The following RABGAP1L variants were observed in gnomAD, a reference collection of about 807,000 sequenced individuals.
RABGAP1L encodes the protein rab GTPase-activating protein 1-like.
RABGAP1L carries 63 observed loss-of-function variants against 137.7 expected under a neutral mutation model. The observed-to-expected ratio is 0.46, with a 90% CI of 0.37 to 0.56. RABGAP1L has a LOEUF of 0.56. Ranked by LOEUF, RABGAP1L falls within the 20% of genes least tolerant of loss-of-function variation. The pLI is 0.00. For synonymous variants in RABGAP1L, 431 were observed against 433.7 expected (o/e 0.99, Z 0.08); for missense variants, 1,095 against 1,244.0 (o/e 0.88, Z 1.80).
intron 13 of RABGAP1L, among the ~76,000 whole-genome samples, chr1:174,510,396 G>A (rs1662223656): frequency 6.6e-6 from 1 of 152,150 alleles, no homozygotes; most frequent in Admixed American, 6.5e-5. Context: ...TGAATGAATA[G>A]GTAAGTAAAT....
chr1:174,665,643 C>T (rs1358263268), intron 14 of RABGAP1L, among the ~76,000 whole-genome samples: 3 of 152,154 alleles, frequency 2.0e-5, no homozygotes, highest in South Asian at 4.1e-4. Context: ...TTAGTAGAGA[C>T]GGAGTTTTAC....
chr1:174,435,305 A>G (rs1319180262), intron 13 of RABGAP1L, among the ~76,000 whole-genome samples: 1 of 152,216 alleles, frequency 6.6e-6, no homozygotes, highest in African/African-American at 2.4e-5. Context: ...AGTGTGAGCC[A>G]CTGCACCTGT....
chr1:174,651,468 C>G (rs982245559), intron 14 of RABGAP1L, among the ~76,000 whole-genome samples: 2 of 152,106 alleles, frequency 1.3e-5, no homozygotes, highest in Non-Finnish European at 2.9e-5. Flanking sequence ...GTGTGGGAGT[C>G]TAAGTCTCTT....
chr1:174,443,542 G>C (rs139972906), intron 13 of RABGAP1L, among the ~76,000 whole-genome samples: 1 of 151,844 alleles, frequency 6.6e-6, no homozygotes, highest in African/African-American at 2.4e-5. Context: ...TGTCTATTCA[G>C]ATCTTTTGCT....
intron 19 of RABGAP1L, among the ~76,000 whole-genome samples, chr1:174,852,845 G>C (rs1196055006): frequency 5.9e-5 from 9 of 151,286 alleles, no homozygotes; most frequent in Non-Finnish European, 1.0e-4. Context: ...AAAAAAAGTA[G>C]AACCCATGAA....
At chr1:174,716,135 T>C (rs1041825380) in intron 17 of RABGAP1L, among the ~76,000 whole-genome samples, 1 of 152,258 alleles carries the variant, frequency 6.6e-6, no homozygotes, top group African/African-American at 2.4e-5. Flanking sequence ...TTATTTTTAT[T>C]GTTATTATTT....
intron 18 of RABGAP1L, among the ~76,000 whole-genome samples, chr1:174,758,977 A>AT (rs1332343205): frequency 1.3e-5 from 2 of 152,092 alleles, no homozygotes; most frequent in Non-Finnish European, 2.9e-5. Flanking sequence ...CTTCTTGAAA[A>AT]TTTTTAGAAT....
rs996228756 is a variant in RABGAP1L at position 174,602,937 on chromosome 1, T to G, written c.1711-34438T>G. Among the ~76,000 whole-genome samples the G allele has an allele frequency of 5.3e-5, 8 of 152,292 alleles. No homozygotes were observed. In the South Asian group the frequency reaches 1.7e-3, roughly 32 times the overall value. ...AGCCACTATCTCTGTTTCTCCAGGATTGGTCCTTGGTGCCTTACTTAGTTC... is the reference window on the plus strand; with the variant it reads ...AGCCACTATCTCTGTTTCTCCAGGAGTGGTCCTTGGTGCCTTACTTAGTTC... On this transcript the variant is annotated intron_variant, in intron 13 of 25. Transcript: ENST00000681986.
chr1:174,438,763 T>C (rs952611500), intron 13 of RABGAP1L, among the ~76,000 whole-genome samples: 1 of 143,210 alleles, frequency 7.0e-6, no homozygotes, highest in African/African-American at 2.6e-5. Flanking sequence ...TATATATATA[T>C]ATATATATAT....
intron 19 of RABGAP1L, among the ~76,000 whole-genome samples, chr1:174,887,756 C>A (rs549960926): frequency 6.6e-6 from 1 of 152,188 alleles, no homozygotes; most frequent in South Asian, 2.1e-4. Flanking sequence ...CTAAAATAGG[C>A]CAGGTGCGGA....
At chr1:174,859,470 G>C (rs550710770) in intron 19 of RABGAP1L, among the ~76,000 whole-genome samples, 4 of 88,022 alleles carry the variant, frequency 4.5e-5, no homozygotes, top group Non-Finnish European at 9.4e-5. Context: ...GAGACAGAGC[G>C]AGACTCCATC....
chr1:174,990,851 G>C lies in RABGAP1L; in HGVS notation c.*850G>C, dbSNP rs1672010556. On this transcript the variant is annotated 3_prime_UTR_variant, in exon 26 of 26. Coordinates refer to ENST00000681986, the MANE Select transcript of RABGAP1L (RefSeq NM_001366446.1). Reference sequence around the variant, plus strand: ...TACCAGAGACGCCTAAAAAGCCCCAGGTTCAGCCATTGTGCTGAATAGAGT... The same window carrying C: ...TACCAGAGACGCCTAAAAAGCCCCACGTTCAGCCATTGTGCTGAATAGAGT... 6.6e-6 allele frequency: 1 copy of C among 152,210 alleles called. No individual in the cohort carries two copies. Among genetic ancestry groups the C allele is most frequent in the Admixed American group, 6.5e-5 (1 of 15,290 alleles). 9.4% of individuals were successfully genotyped at this position (152,210 alleles called of 1,614,324 possible). A position where few individuals can be genotyped will look rare whatever the true frequency, so the allele number is the denominator to read the frequency against.
intron 18 of RABGAP1L, among the ~76,000 whole-genome samples, chr1:174,785,097 T>G (rs1388551490): frequency 6.6e-6 from 1 of 152,218 alleles, no homozygotes; most frequent in Non-Finnish European, 1.5e-5. Context: ...AGAGTTTCAC[T>G]CTTGTTGCCC....
chr1:174,614,439 A>G (rs1572517808), intron 13 of RABGAP1L, among the ~76,000 whole-genome samples: 2 of 152,250 alleles, frequency 1.3e-5, no homozygotes, highest in East Asian at 1.9e-4. Context: ...CTTTCTGCCG[A>G]GAGATCTGCT....
intron 13 of RABGAP1L, among the ~76,000 whole-genome samples, chr1:174,409,630 A>G (rs1225102173): frequency 6.6e-6 from 1 of 152,156 alleles, no homozygotes; most frequent in Non-Finnish European, 1.5e-5. Context: ...AGTAGGGAAG[A>G]TATCGCTGAA....
At chr1:174,239,782 A>G (rs1671630490) in intron 4 of RABGAP1L, among the ~76,000 whole-genome samples, 1 of 152,198 alleles carries the variant, frequency 6.6e-6, no homozygotes, top group South Asian at 2.1e-4. Context: ...AGGTCAAGGA[A>G]ATGAGGTTGA....
At chr1:174,546,695 G>T (rs1666034975) in intron 13 of RABGAP1L, among the ~76,000 whole-genome samples, 1 of 152,172 alleles carries the variant, frequency 6.6e-6, no homozygotes, top group Non-Finnish European at 1.5e-5. Flanking sequence ...AAGATTATTT[G>T]TTTAGCTATT....
At chr1:174,885,607 C>T (rs1558189602) in intron 19 of RABGAP1L, among the ~76,000 whole-genome samples, 1 of 151,988 alleles carries the variant, frequency 6.6e-6, no homozygotes, top group African/African-American at 2.4e-5. Context: ...CCTCCCCCCT[C>T]GGCCTCCCAA....
chr1:174,550,564 A>G (rs977716173), intron 13 of RABGAP1L, among the ~76,000 whole-genome samples: 3 of 152,100 alleles, frequency 2.0e-5, no homozygotes, highest in Admixed American at 6.5e-5. Context: ...TCAATGGACA[A>G]AAGAACAAAG....
Sources: allele counts gnomAD v4.1 joint callset (sites outside exome capture counted in the v4.1 genomes callset), GRCh38; gene constraint gnomAD v4.1.1; transcripts MANE v1.5; gene names NCBI Gene and HGNC (gene_info 2026-07-23, HGNC 2026-07-21).